UNC13C: variants seen among roughly 807,000 people sequenced by gnomAD.
UNC13C encodes the protein unc-13 homolog C.
A neutral mutation model predicts 245.4 loss-of-function variants in UNC13C; 174 were observed. The ratio of observed to expected loss-of-function variants is 0.71; its 90% CI spans 0.63 to 0.80. The LOEUF (loss-of-function observed/expected upper bound fraction) is 0.80, where lower values mean the gene tolerates loss of function less well. Among genes scored for constraint, UNC13C ranks in the 30% least tolerant of loss-of-function variants. The pLI, the probability that UNC13C is intolerant of heterozygous loss-of-function variation, is 0.00. For synonymous variants in UNC13C, 992 were observed against 895.1 expected (o/e 1.11, Z -1.93); for missense variants, 2,829 against 2,602.9 (o/e 1.09, Z -1.89).
downstream of UNC13C, chr15:54,631,665 G>A (rs1405481128): frequency 1.3e-5 from 2 of 152,092 alleles, no homozygotes; most frequent in Non-Finnish European, 2.9e-5. Context: ...CATCTACATT[G>A]TGGCATGTAT....
At chr15:53,998,865 T>A (rs1016995299) in intron 1 of UNC13C, among the ~76,000 whole-genome samples, 4 of 152,132 alleles carry the variant, frequency 2.6e-5, no homozygotes, top group Admixed American at 6.5e-5. Flanking sequence ...TAAGTGATTA[T>A]ATGCTATTTT....
chr15:54,015,055 G>A lies in UNC13C; in HGVS notation c.2152G>A (p.Asp718Asn), dbSNP rs377675779. The A allele has an allele frequency of 1.9e-6, 3 of 1,612,934 alleles. No homozygotes were observed. Among genetic ancestry groups the A allele is most frequent in the Non-Finnish European group, 2.5e-6 (3 of 1,179,514 alleles). ...AGAGAGCTACGACTTAACTCAAGATGACAATTCTTCTCCATGCCCTGGCTT... is the reference window on the plus strand; with the variant it reads ...AGAGAGCTACGACTTAACTCAAGATAACAATTCTTCTCCATGCCCTGGCTT... ...DSESYDLTQD[D>N]NSSPCPGLDN... The change falls in exon 2 of 33, where the codon GAC becomes AAC. Residue 718 changes from aspartate to asparagine, a missense_variant. Coordinates refer to ENST00000260323, the MANE Select transcript of UNC13C (RefSeq NM_001080534.3).
At chr15:53,893,389 G>A in the UNC13C span, among the ~76,000 whole-genome samples, 1 of 152,166 alleles carries the variant, frequency 6.6e-6, no homozygotes, top group Admixed American at 6.5e-5. Flanking sequence ...GCTGTGCTGG[G>A]AGGTTTGCTG....
At chr15:54,450,100 C>T (rs1444333958) in intron 19 of UNC13C, among the ~76,000 whole-genome samples, 9 of 152,150 alleles carry the variant, frequency 5.9e-5, no homozygotes, top group South Asian at 4.1e-4. Context: ...TATTGAACAG[C>T]GAATGTTGCT....
intron 2 of UNC13C, among the ~76,000 whole-genome samples, chr15:54,037,609 C>T (rs887693165): frequency 6.6e-6 from 1 of 152,048 alleles, no homozygotes; most frequent in African/African-American, 2.4e-5. Flanking sequence ...ATACATTTGA[C>T]ATATGGTAGG....
the UNC13C span, chr15:53,912,867 G>A: frequency 2.0e-5 from 3 of 152,196 alleles, no homozygotes; most frequent in African/African-American, 4.8e-5. Context: ...ATGGAACTTG[G>A]CAGATGACAG....
intron 18 of UNC13C, among the ~76,000 whole-genome samples, chr15:54,401,005 G>C (rs890945148): frequency 1.3e-5 from 2 of 151,720 alleles, no homozygotes; most frequent in Non-Finnish European, 2.9e-5. Flanking sequence ...GCAAAATGGT[G>C]GTTTTATAAG....
chr15:54,130,543 C>T (rs2031350570), intron 2 of UNC13C, among the ~76,000 whole-genome samples: 2 of 152,030 alleles, frequency 1.3e-5, no homozygotes, highest in Non-Finnish European at 2.9e-5. Flanking sequence ...CCACCCGCCT[C>T]GGCCTCCCAA....
At chr15:54,136,289 C>T (rs895972861) in intron 2 of UNC13C, among the ~76,000 whole-genome samples, 4 of 152,102 alleles carry the variant, frequency 2.6e-5, no homozygotes, top group African/African-American at 9.7e-5. Context: ...AGGCATGTGC[C>T]ACCATGCCCT....
chr15:54,505,329 G>A (rs1894424374), intron 22 of UNC13C, among the ~76,000 whole-genome samples: 2 of 152,188 alleles, frequency 1.3e-5, no homozygotes, highest in South Asian at 4.1e-4. Flanking sequence ...ACCCTGCCAT[G>A]CATTCGTTAA....
chr15:54,031,204 A>G (rs1896343743), intron 2 of UNC13C, among the ~76,000 whole-genome samples: 1 of 151,836 alleles, frequency 6.6e-6, no homozygotes, highest in Admixed American at 6.6e-5. Flanking sequence ...AAATGGAAGC[A>G]CTCCTGCTGA....
intron 4 of UNC13C, among the ~76,000 whole-genome samples, chr15:54,226,748 C>T (rs2035396116): frequency 6.6e-6 from 1 of 152,164 alleles, no homozygotes; most frequent in Admixed American, 6.5e-5. Flanking sequence ...CATGTTGGCT[C>T]TGTGAGAAGG....
At chr15:54,210,336 G>C (rs967493383) in intron 4 of UNC13C, among the ~76,000 whole-genome samples, 6 of 150,738 alleles carry the variant, frequency 4.0e-5, no homozygotes, top group African/African-American at 1.5e-4. Flanking sequence ...CAGTTACTTT[G>C]TCACTAATTA....
At chr15:54,104,004 A>G (rs1407297653) in intron 2 of UNC13C, among the ~76,000 whole-genome samples, 2 of 152,206 alleles carry the variant, frequency 1.3e-5, no homozygotes, top group East Asian at 3.9e-4. Flanking sequence ...CGGCCTCCCA[A>G]AGTGCTGGGA....
intron 17 of UNC13C, among the ~76,000 whole-genome samples, chr15:54,356,021 A>T (rs1292058767): frequency 6.6e-6 from 1 of 152,188 alleles, no homozygotes; most frequent in Admixed American, 6.5e-5. Context: ...TTCATTTAAC[A>T]ATATGTCTTT....
chr15:54,024,370 C>T (rs1896017976), intron 2 of UNC13C, among the ~76,000 whole-genome samples: 1 of 152,006 alleles, frequency 6.6e-6, no homozygotes, highest in Non-Finnish European at 1.5e-5. Context: ...AAACTAAGAC[C>T]CAAGGTGAGA....
chr15:54,071,628 G>A (rs889769680), intron 2 of UNC13C, among the ~76,000 whole-genome samples: 1 of 151,800 alleles, frequency 6.6e-6, no homozygotes, highest in East Asian at 1.9e-4. Flanking sequence ...GGAACAGCAA[G>A]ATAAGAATGG....
chr15:54,361,419 A>G (rs990344795), intron 17 of UNC13C, among the ~76,000 whole-genome samples: 2 of 152,116 alleles, frequency 1.3e-5, no homozygotes, highest in Admixed American at 6.6e-5. Flanking sequence ...TTTTCTATCT[A>G]TATTTTCTTG....
intron 4 of UNC13C, among the ~76,000 whole-genome samples, chr15:54,206,023 A>T (rs369866343): frequency 6.6e-6 from 1 of 152,034 alleles, no homozygotes. Flanking sequence ...TTAATCAAGG[A>T]TTTCCTCTCT....
Sources: gnomAD v4.1 joint callset for allele counts (sites outside exome capture counted in the v4.1 genomes callset) on GRCh38, gnomAD v4.1.1 for gene constraint, MANE v1.5 for transcripts, NCBI Gene and HGNC (gene_info 2026-07-23, HGNC 2026-07-21) for gene names.